Variants in ANK2 observed in about 807,000 individuals in gnomAD.
ANK2 encodes ankyrin 2.
Under a neutral mutation model 360.5 loss-of-function variants are expected in ANK2, and 83 were observed. That is an observed-to-expected ratio of 0.23 (90% CI 0.19 to 0.28). The LOEUF (loss-of-function observed/expected upper bound fraction) is 0.28. ANK2 is among the 10% of genes least tolerant of loss of function. The pLI is 1.00. For missense variants in ANK2, 4,201 were observed against 4,795.7 expected (o/e 0.88, Z 3.66); for synonymous variants, 1,740 against 1,759.5 (o/e 0.99, Z 0.28).
chr4:113,282,974 G>A, intron 18 of ANK2, 102 bp downstream of exon 18: 1 of 1,303,008 alleles, frequency 7.7e-7, no homozygotes, highest in South Asian at 1.2e-5. Flanking sequence ...GTATTAAAAA[G>A]AAACAGGGAT....
intron 1 of ANK2, among the ~76,000 whole-genome samples, chr4:113,101,979 A>G (rs2092923531): frequency 6.6e-6 from 1 of 152,154 alleles, no homozygotes; most frequent in African/African-American, 2.4e-5. Flanking sequence ...TATGGTGAGG[A>G]TAGAGAAGCA....
chr4:113,106,619 C>T (rs1467889472), intron 1 of ANK2, among the ~76,000 whole-genome samples: 1 of 152,154 alleles, frequency 6.6e-6, no homozygotes, highest in African/African-American at 2.4e-5. Flanking sequence ...AGAAGTTCCT[C>T]TTCCTGGATT....
In ANK2 at chr4:113,274,630, C is replaced by T. The variant is rs766431760; in HGVS notation, c.1664C>T (p.Ala555Val). ...VASVLLEAGA[A>V]HSLATKKGFT... The stretch of plus-strand genomic sequence containing the variant: ...TCAGTCCTATTGGAAGCAGGAGCAG[C>T]CCACTCCTTAGCTACCAAGGTAAGG... Residue 555 changes from alanine (A) to valine (V), a missense_variant, in exon 15 of 46, where the codon GCC becomes GTC. Transcript: ENST00000357077. The T allele has an allele frequency of 1.4e-5, 23 of 1,614,134 alleles. No homozygotes were observed. The highest frequency in any genetic ancestry group is 4.5e-5 in the East Asian group (2 of 44,874).
intron 2 of ANK2, among the ~76,000 whole-genome samples, chr4:112,919,649 A>C (rs2090938584): frequency 6.6e-6 from 1 of 152,180 alleles, no homozygotes; most frequent in Non-Finnish European, 1.5e-5. Context: ...AAAAGTAACA[A>C]GCAGAAAATT....
At chr4:112,939,027 A>G (rs529170646) in intron 2 of ANK2, among the ~76,000 whole-genome samples, 3 of 152,330 alleles carry the variant, frequency 2.0e-5, no homozygotes, top group East Asian at 3.9e-4. Flanking sequence ...TATAATTCAT[A>G]TATGAAAACA....
At chr4:113,303,189 C>CT (rs2075776129) in intron 23 of ANK2, among the ~76,000 whole-genome samples, 1 of 151,950 alleles carries the variant, frequency 6.6e-6, no homozygotes, top group Non-Finnish European at 1.5e-5. Flanking sequence ...GTTAAAAAAT[C>CT]TTTTTTTATT....
At chr4:113,283,207 C>A (rs2063081020) in intron 18 of ANK2, among the ~76,000 whole-genome samples, 1 of 152,176 alleles carries the variant, frequency 6.6e-6, no homozygotes, top group African/African-American at 2.4e-5. Context: ...ACTATAATTG[C>A]TCCAGTGTCT....
chr4:113,259,039 C>T (rs1258749538), intron 13 of ANK2, among the ~76,000 whole-genome samples: 2 of 152,176 alleles, frequency 1.3e-5, no homozygotes, highest in Non-Finnish European at 2.9e-5. Context: ...GTCTCCAGAC[C>T]ACTTTCATTC....
intron 28 of ANK2, among the ~76,000 whole-genome samples, chr4:113,332,648 A>T (rs942796725): frequency 3.9e-5 from 6 of 152,242 alleles, no homozygotes; most frequent in Non-Finnish European, 5.9e-5. Context: ...CGACACATCA[A>T]ATTATGCAAT....
intron 2 of ANK2, among the ~76,000 whole-genome samples, chr4:112,971,450 A>C (rs2039488411): frequency 6.6e-6 from 1 of 152,234 alleles, no homozygotes; most frequent in African/African-American, 2.4e-5. Context: ...TTTCTGAGAA[A>C]TAATACAAAA....
chr4:113,256,970 T>G (rs749981860), intron 11 of ANK2, among the ~76,000 whole-genome samples: 17 of 152,248 alleles, frequency 1.1e-4, no homozygotes, highest in Non-Finnish European at 2.2e-4. Context: ...GCAAATATTT[T>G]AAGTGCTGCA....
the ANK2 span, among the ~76,000 whole-genome samples, chr4:112,777,333 G>T: frequency 7.9e-5 from 12 of 151,990 alleles, no homozygotes; most frequent in Non-Finnish European, 1.3e-4. Context: ...CCGCCTCCTG[G>T]ATTCACGCCA....
chr4:113,256,702 T>G (rs2049569901), intron 11 of ANK2, among the ~76,000 whole-genome samples: 1 of 152,234 alleles, frequency 6.6e-6, no homozygotes, highest in Non-Finnish European at 1.5e-5. Flanking sequence ...TTACATGGTT[T>G]GTGTCTGTTA....
At chr4:112,760,313 A>C in the ANK2 span, among the ~76,000 whole-genome samples, 1 of 151,420 alleles carries the variant, frequency 6.6e-6, no homozygotes, top group Non-Finnish European at 1.5e-5. Flanking sequence ...CAGCCTCCAG[A>C]GTAGCTGGGA....
chr4:113,008,385 T>C (rs962893202), intron 2 of ANK2, among the ~76,000 whole-genome samples: 1 of 151,938 alleles, frequency 6.6e-6, no homozygotes, highest in African/African-American at 2.4e-5. Context: ...ATAGAAATGT[T>C]ATTTTAGTTT....
At chr4:112,890,420 G>A (rs1173183825) in intron 1 of ANK2, among the ~76,000 whole-genome samples, 1 of 152,238 alleles carries the variant, frequency 6.6e-6, no homozygotes, top group East Asian at 1.9e-4. Context: ...ACAACGATCA[G>A]ATATTTGGGC....
the ANK2 span, among the ~76,000 whole-genome samples, chr4:112,762,982 A>C: frequency 6.6e-6 from 1 of 152,288 alleles, no homozygotes; most frequent in Admixed American, 6.5e-5. Context: ...TTCTAAATTC[A>C]ACGTTTCACT....
chr4:113,130,882 C>A (rs1026840449), intron 1 of ANK2, among the ~76,000 whole-genome samples: 2 of 152,078 alleles, frequency 1.3e-5, no homozygotes, highest in Admixed American at 1.3e-4. Flanking sequence ...TAGATTGTAC[C>A]AATGCATAAA....
intron 1 of ANK2, among the ~76,000 whole-genome samples, chr4:112,885,561 C>T (rs909425932): frequency 4.0e-5 from 6 of 150,612 alleles, no homozygotes; most frequent in Non-Finnish European, 7.4e-5. Flanking sequence ...CTTTGGGAGG[C>T]GGAGGTGGGC....
Sources: gnomAD v4.1 joint callset for allele counts (sites outside exome capture counted in the v4.1 genomes callset) on GRCh38, gnomAD v4.1.1 for gene constraint, MANE v1.5 for transcripts, NCBI Gene and HGNC (gene_info 2026-07-23, HGNC 2026-07-21) for gene names.